Variants in SIL1 observed in about 807,000 individuals in gnomAD.
SIL1 encodes SIL1 nucleotide exchange factor, also known as nucleotide exchange factor SIL1.
In SIL1, 40 loss-of-function variants were observed where a neutral mutation model predicts 49.1. The observed-to-expected ratio is 0.81, with a 90% confidence interval of 0.63 to 1.06. The LOEUF is 1.06. Among genes scored for constraint, SIL1 ranks in the 50% least tolerant of loss-of-function variants. The pLI is 0.00. For synonymous variants in SIL1, 253 were observed against 250.8 expected, an observed-to-expected ratio of 1.01 and a Z score of -0.08; for missense variants, 500 against 572.6, an observed-to-expected ratio of 0.87 and a Z score of 1.29.
intron 9 of SIL1, 90 bp downstream of exon 9, chr5:138,951,081 A>T (rs1393370180): frequency 3.5e-6 from 5 of 1,415,480 alleles, no homozygotes; most frequent in Non-Finnish European, 4.9e-6. Context: ...CAAACAAGTG[A>T]CGTCCGCAGT....
chr5:138,963,674 T>C (rs1290503302), intron 7 of SIL1, among the ~76,000 whole-genome samples: 8 of 152,130 alleles, frequency 5.3e-5, no homozygotes, highest in Non-Finnish European at 1.2e-4. Context: ...TTAAATATGG[T>C]GAACAATATG....
At chr5:139,156,807 AC>A (rs1328433465) in intron 1 of SIL1, among the ~76,000 whole-genome samples, 2 of 152,254 alleles carry the variant, frequency 1.3e-5, no homozygotes, top group African/African-American at 4.8e-5. Context: ...CAGCCCAGTG[AC>A]ACTGATTTCA....
chr5:138,994,847 C>T (rs747350305), intron 7 of SIL1, among the ~76,000 whole-genome samples: 63 of 152,260 alleles, frequency 4.1e-4, no homozygotes, highest in South Asian at 1.9e-3. Flanking sequence ...TGATGCTCTC[C>T]CACCTCTTGC....
chr5:138,978,539 T>G (rs899701324), intron 7 of SIL1, among the ~76,000 whole-genome samples: 1 of 152,270 alleles, frequency 6.6e-6, no homozygotes, highest in African/African-American at 2.4e-5. Context: ...GTTTCACTTC[T>G]CTTGGGTACA....
intron 9 of SIL1, among the ~76,000 whole-genome samples, chr5:138,949,853 C>A (rs190232074): frequency 6.7e-5 from 10 of 149,998 alleles, no homozygotes; most frequent in Non-Finnish European, 4.5e-5. Context: ...AAAAAGAAAT[C>A]ACAAGAACAG....
chr5:139,093,662 A>C (rs1770392432), intron 3 of SIL1: 1 of 152,236 alleles, frequency 6.6e-6, no homozygotes, highest in Non-Finnish European at 1.5e-5. Context: ...TGTGTGAGGT[A>C]AATTTTCTTT....
At chr5:139,026,265 G>T (rs1460085146) in intron 6 of SIL1, among the ~76,000 whole-genome samples, 4 of 151,854 alleles carry the variant, frequency 2.6e-5, no homozygotes, top group African/African-American at 7.3e-5. Flanking sequence ...TTATCTCTGT[G>T]GTACCCTCAG....
Position 139,031,609 on chromosome 5 carries a change from T to C in SIL1, c.454-4617A>G, listed in dbSNP as rs112220023. On this transcript the variant is annotated intron_variant, in intron 5 of 9. Transcript: ENST00000394817. ...CTATTCTAGTTCCTTCAACTTTCCA[T>C]ACAAACTTTAGAATAAGCTCATCTA... Among the ~76,000 whole-genome samples the C allele has an allele frequency of 5.6e-3, 847 of 152,344 alleles. 4 individuals are homozygous for C. The highest frequency in any genetic ancestry group is 0.02 in the African/African-American group (812 of 41,580).
chr5:139,180,683 T>G (rs906235169), intron 1 of SIL1, among the ~76,000 whole-genome samples: 1 of 152,194 alleles, frequency 6.6e-6, no homozygotes, highest in East Asian at 1.9e-4. Flanking sequence ...TCTGCAACTA[T>G]GGGCATGAGG....
chr5:139,182,773 A>C (rs1234948891), intron 1 of SIL1, among the ~76,000 whole-genome samples: 1 of 152,202 alleles, frequency 6.6e-6, no homozygotes, highest in Non-Finnish European at 1.5e-5. Context: ...AGGGGGTTTC[A>C]CAGCTGAGGA....
rs1262792576 is a variant in SIL1 at position 138,993,282 on chromosome 5, AG to A, written c.767+27888del. Among the ~76,000 whole-genome samples, 5 of 152,178 alleles carry A rather than the reference AG, an allele frequency of 3.3e-5. No individual in the cohort carries two copies. The East Asian group carries it at 9.6e-4, about 29-fold the overall frequency. On this transcript the variant is annotated intron_variant, in intron 7 of 9. Transcript: ENST00000394817. ...GGATGATGAGGAAGGGCTATTCCTT[AG>A]GGATGGCATCCTAGTGTGACTCGAA...
At chr5:139,086,986 T>C (rs763912630) in intron 3 of SIL1, among the ~76,000 whole-genome samples, 31 of 151,766 alleles carry the variant, frequency 2.0e-4, no homozygotes, top group East Asian at 1.9e-4. Flanking sequence ...TAATTAATTA[T>C]ATTTCTTTTT....
chr5:138,951,146 A>T (rs1409599294), intron 9 of SIL1, 25 bp downstream of exon 9: 1 of 1,608,716 alleles, frequency 6.2e-7, no homozygotes, highest in Non-Finnish European at 8.5e-7. Flanking sequence ...AAACAAGAGG[A>T]GACTGGGTGG....
intron 2 of SIL1, 47 bp from the exon 3 acceptor site, chr5:139,121,220 G>C: frequency 6.2e-7 from 1 of 1,613,178 alleles, no homozygotes; most frequent in Non-Finnish European, 8.5e-7. Context: ...CTAGGCGCCA[G>C]GTAAGCAGAA....
Position 138,969,891 on chromosome 5 carries a change from C to T in SIL1, c.768-18007G>A, listed in dbSNP as rs111936368. Among the ~76,000 whole-genome samples, 1,162 of 152,288 alleles carry T rather than the reference C, an allele frequency of 7.6e-3. 5 individuals are homozygous for T. Among genetic ancestry groups the T allele is most frequent in the Non-Finnish European group, 0.012 (812 of 68,028 alleles). ...GGGAAGGAAGCAGTGGGCAAGGAAC[C>T]TCTAACACTGCCCTGATGTTTTAGG... is the stretch of plus-strand genomic sequence containing the variant. On this transcript the variant is annotated intron_variant, in intron 7 of 9. Coordinates refer to ENST00000394817, the MANE Select transcript of SIL1 (RefSeq NM_022464.5).
At chr5:138,980,657 A>G (rs1295276538) in intron 7 of SIL1, among the ~76,000 whole-genome samples, 1 of 152,258 alleles carries the variant, frequency 6.6e-6, no homozygotes, top group Non-Finnish European at 1.5e-5. Flanking sequence ...CTGGGAATGT[A>G]AATAAATATT....
At chr5:139,132,925 T>G (rs552274777) in intron 1 of SIL1, among the ~76,000 whole-genome samples, 1 of 152,320 alleles carries the variant, frequency 6.6e-6, no homozygotes, top group East Asian at 1.9e-4. Flanking sequence ...CTGCGGTCCC[T>G]GGCATAAGTA....
intron 9 of SIL1, among the ~76,000 whole-genome samples, chr5:138,950,032 C>T (rs1220072120): frequency 6.6e-6 from 1 of 152,166 alleles, no homozygotes; most frequent in African/African-American, 2.4e-5. Context: ...CAGAGGCAGG[C>T]TCCCGGGGCC....
At chr5:139,006,585 AG>A (rs1365533956) in intron 7 of SIL1, among the ~76,000 whole-genome samples, 1 of 151,432 alleles carries the variant, frequency 6.6e-6, no homozygotes, top group African/African-American at 2.4e-5. Context: ...TTATGGTTTT[AG>A]GTCTAACGTT....
Sources: gnomAD v4.1 joint callset for allele counts (sites outside exome capture counted in the v4.1 genomes callset) on GRCh38, gnomAD v4.1.1 for gene constraint, MANE v1.5 for transcripts, NCBI Gene and HGNC (gene_info 2026-07-23, HGNC 2026-07-21) for gene names.